NEBL: variants seen among roughly 807,000 people sequenced by gnomAD.
NEBL encodes the protein nebulette.
In NEBL, 122 loss-of-function variants were observed where a neutral mutation model predicts 140.2. The ratio of observed to expected loss-of-function variants is 0.87; its 90% CI spans 0.75 to 1.01. NEBL has a LOEUF of 1.01. Ranked by LOEUF, NEBL falls within the 50% of genes least tolerant of loss-of-function variation. The pLI is 0.00. For missense variants in NEBL, 1,365 were observed against 1,231.3 expected, an observed-to-expected ratio of 1.11 and a Z score of -1.62; for synonymous variants, 436 against 398.9, an observed-to-expected ratio of 1.09 and a Z score of -1.11.
rs138607653 is a variant in NEBL at position 21,226,773 on chromosome 10, CA to C, written n.348+21147del. 1.1e-3 allele frequency among the ~76,000 whole-genome samples: 164 copies of C among 152,310 alleles called. 2 individuals are homozygous for C. Among genetic ancestry groups the C allele is most frequent in the African/African-American group, 3.8e-3 (158 of 41,568 alleles). Reference sequence around the variant, plus strand: ...ATGGGAGAAAAGTGTATCAGCAATTCAAGACTGTCTTTCCCACCCTCTTCAG... The same window carrying C: ...ATGGGAGAAAAGTGTATCAGCAATTCAGACTGTCTTTCCCACCCTCTTCAG... On this transcript the variant is annotated intron_variant and non_coding_transcript_variant, in intron 3 of 8. Coordinates refer to the NEBL transcript ENST00000675702.
chr10:21,017,114 C>A (rs990443914), intron 3 of NEBL, among the ~76,000 whole-genome samples: 2 of 152,144 alleles, frequency 1.3e-5, no homozygotes, highest in Non-Finnish European at 2.9e-5. Context: ...AGACCTATTC[C>A]GTACCAGCTA....
In NEBL at chr10:20,993,282, CA is replaced by C. The variant is rs1837538256; in HGVS notation, c.249+26834del. On this transcript the variant is annotated intron_variant, in intron 3 of 6. Transcript: ENST00000417816. ...GCAAAGGACATTACCACATTGCAGG[CA>C]AAAGATACCACTAAGTTATGAATGA... Among the ~76,000 whole-genome samples, 5 of 152,048 alleles carry C rather than the reference CA, an allele frequency of 3.3e-5. No individual in the cohort carries two copies. In the South Asian group the frequency reaches 1.0e-3, roughly 32 times the overall value.
At chr10:20,989,049 A>C (rs1237605749) in intron 3 of NEBL, among the ~76,000 whole-genome samples, 3 of 152,242 alleles carry the variant, frequency 2.0e-5, no homozygotes, top group Non-Finnish European at 4.4e-5. Context: ...ATTTACAGTA[A>C]ATGTCAAAAC....
At chr10:20,980,509 T>A (rs1187590329) in intron 3 of NEBL, among the ~76,000 whole-genome samples, 1 of 152,118 alleles carries the variant, frequency 6.6e-6, no homozygotes, top group Non-Finnish European at 1.5e-5. Context: ...CAATCGTTGG[T>A]TAAGGTCATG....
At chr10:20,796,367 G>GAAAAAAAAAAAAAAAAAA (rs57844177) in intron 26 of NEBL, among the ~76,000 whole-genome samples, 2 of 51,500 alleles carry the variant, frequency 3.9e-5, no homozygotes, top group African/African-American at 6.8e-5. Context: ...TCTAAAACAA[G>GAAAAAAAAAAAAAAAAAA]AAAAAAAAAA....
chr10:21,168,380 A>C (rs891145412), intron 2 of NEBL, among the ~76,000 whole-genome samples: 12 of 152,194 alleles, frequency 7.9e-5, no homozygotes, highest in Non-Finnish European at 1.6e-4. Context: ...AATGCTACTT[A>C]AGCCCTTTTC....
At chr10:20,953,583 G>A (rs961577048) in intron 4 of NEBL, among the ~76,000 whole-genome samples, 1 of 150,522 alleles carries the variant, frequency 6.6e-6, no homozygotes, top group Non-Finnish European at 1.5e-5. Flanking sequence ...TTAAGATAGG[G>A]GAAGTCCTGG....
chr10:21,006,489 G>A (rs985913545), intron 3 of NEBL, among the ~76,000 whole-genome samples: 3 of 152,144 alleles, frequency 2.0e-5, no homozygotes, highest in South Asian at 2.1e-4. Context: ...ACCACTCTCC[G>A]TGAGACCTGT....
At chr10:20,855,575 T>G (rs1176460788) in intron 9 of NEBL, among the ~76,000 whole-genome samples, 1 of 151,416 alleles carries the variant, frequency 6.6e-6, no homozygotes, top group Non-Finnish European at 1.5e-5. Flanking sequence ...GCAAAAGAAC[T>G]TCGAATGCGT....
intron 2 of NEBL, among the ~76,000 whole-genome samples, chr10:21,167,562 G>A (rs1001842836): frequency 6.6e-6 from 1 of 152,198 alleles, no homozygotes; most frequent in African/African-American, 2.4e-5. Context: ...TCTTGGCAAT[G>A]CTACTTCTAA....
chr10:20,819,183 C>T (rs1839030489), intron 20 of NEBL: 1 of 870,136 alleles, frequency 1.1e-6, no homozygotes, highest in Non-Finnish European at 1.6e-6. Context: ...GCCCAGTACT[C>T]AACAGTTACT....
intron 3 of NEBL, among the ~76,000 whole-genome samples, chr10:21,216,767 T>C (rs1204054231): frequency 7.9e-6 from 1 of 126,010 alleles, no homozygotes; most frequent in Non-Finnish European, 1.5e-5. Context: ...CAAGACTCCA[T>C]CTCGAAAAAA....
chr10:21,290,208 T>C (rs1264206319), intron 1 of NEBL, among the ~76,000 whole-genome samples: 1 of 152,172 alleles, frequency 6.6e-6, no homozygotes, highest in Non-Finnish European at 1.5e-5. Context: ...GCTGTCAGCA[T>C]AGACAGTCTA....
At chr10:20,810,867 T>C (rs1203076528) in intron 24 of NEBL, among the ~76,000 whole-genome samples, 1 of 152,224 alleles carries the variant, frequency 6.6e-6, no homozygotes, top group Non-Finnish European at 1.5e-5. Context: ...GGCACTCTTC[T>C]CATTTAACAC....
chr10:21,194,370 G>A (rs566473116), intron 3 of NEBL, among the ~76,000 whole-genome samples: 3 of 152,212 alleles, frequency 2.0e-5, no homozygotes, highest in South Asian at 4.2e-4. Flanking sequence ...ATTGAAGTAA[G>A]CATTGATACC....
intron 2 of NEBL, among the ~76,000 whole-genome samples, chr10:21,078,361 C>G (rs909187230): frequency 6.6e-6 from 1 of 152,126 alleles, no homozygotes; most frequent in African/African-American, 2.4e-5. Context: ...ACAACGAACA[C>G]TTTTATGATC....
At chr10:20,981,610 A>G (rs1012436780) in intron 3 of NEBL, among the ~76,000 whole-genome samples, 4 of 152,152 alleles carry the variant, frequency 2.6e-5, no homozygotes, top group Admixed American at 2.6e-4. Flanking sequence ...GGGACTGGCT[A>G]ATCAGAGTAT....
chr10:21,086,636 T>C (rs1360353337), intron 2 of NEBL, among the ~76,000 whole-genome samples: 1 of 151,936 alleles, frequency 6.6e-6, no homozygotes. Context: ...AAATTAGTCA[T>C]GTGTGGTGGT....
intron 3 of NEBL, among the ~76,000 whole-genome samples, chr10:21,202,088 A>G (rs992974604): frequency 1.3e-5 from 2 of 152,146 alleles, no homozygotes; most frequent in African/African-American, 2.4e-5. Flanking sequence ...GTAATCCACA[A>G]TGCTGGCAAT....
Sources: gnomAD v4.1 joint callset for allele counts (sites outside exome capture counted in the v4.1 genomes callset) on GRCh38, gnomAD v4.1.1 for gene constraint, MANE v1.5 for transcripts, NCBI Gene and HGNC (gene_info 2026-07-23, HGNC 2026-07-21) for gene names.